Variants in HACD4 observed in about 807,000 individuals in gnomAD.
HACD4 encodes the protein 3-hydroxyacyl-CoA dehydratase 4.
Under a neutral mutation model 33.3 loss-of-function variants are expected in HACD4, and 35 were observed. The ratio of observed to expected loss-of-function variants is 1.05; its 90% CI spans 0.80 to 1.39. HACD4 has a LOEUF of 1.39. HACD4 is among the 40% of genes most tolerant of loss of function. HACD4 has a pLI of 0.00. For missense variants in HACD4, 323 were observed against 276.5 expected, an observed-to-expected ratio of 1.17 and a Z score of -1.19; for synonymous variants, 118 against 98.0, an observed-to-expected ratio of 1.20 and a Z score of -1.21.
chr9:21,030,391 G>C (rs976090903), intron 1 of HACD4, among the ~76,000 whole-genome samples: 1 of 151,962 alleles, frequency 6.6e-6, no homozygotes, highest in Non-Finnish European at 1.5e-5. Context: ...GCAGTGAACC[G>C]AGACAGCGCC....
chr9:21,014,567 G>A (rs1842512719), intron 4 of HACD4, among the ~76,000 whole-genome samples: 1 of 152,108 alleles, frequency 6.6e-6, no homozygotes, highest in East Asian at 1.9e-4. Flanking sequence ...AAGAGGGAGA[G>A]GGGAGTGACT....
At chr9:21,010,877 G>T (rs184434849) in intron 5 of HACD4, among the ~76,000 whole-genome samples, 1 of 151,986 alleles carries the variant, frequency 6.6e-6, no homozygotes. Flanking sequence ...TTCACAACAG[G>T]GTTTGTGCTC....
chr9:21,026,835 T>A, intron 2 of HACD4, 112 bp from the exon 3 acceptor site: 1 of 859,964 alleles, frequency 1.2e-6, no homozygotes. Flanking sequence ...TTTTTCATTG[T>A]ACATGTGAAA....
At chr9:21,011,557 G>A in intron 5 of HACD4, 32 bp downstream of exon 5, 1 of 1,311,348 alleles carries the variant, frequency 7.6e-7, no homozygotes. Flanking sequence ...GCTTTTGTCA[G>A]TAAGCAATAC....
chr9:21,006,576 C>A lies in HACD4; in HGVS notation c.*461G>T. 4.8e-6 allele frequency: 1 copy of A among 207,924 alleles called. No homozygotes were observed. Among genetic ancestry groups the A allele is most frequent in the Non-Finnish European group, 9.5e-6 (1 of 104,896 alleles). The allele number at this position is 207,924 out of a possible 1,614,324, so 12.9% of individuals were successfully genotyped here. A position where few individuals can be genotyped will look rare whatever the true frequency, so the allele number is the denominator to read the frequency against. ...ATTAGATCTGAAGACAGACATCTGTCTATGAAATATGTTATTCTAGGCAAC... is the reference window on the plus strand; with the variant it reads ...ATTAGATCTGAAGACAGACATCTGTATATGAAATATGTTATTCTAGGCAAC... On this transcript the variant is annotated 3_prime_UTR_variant, in exon 7 of 7. Transcript: ENST00000495827. The surrounding 1 kb of genome is among the most constrained non-coding windows in gnomAD (Gnocchi z 4.6).
intron 5 of HACD4, among the ~76,000 whole-genome samples, chr9:21,010,580 C>T (rs926567379): frequency 6.6e-6 from 1 of 151,562 alleles, no homozygotes; most frequent in African/African-American, 2.4e-5. Context: ...CTTTTTGGCA[C>T]CAGTTACTGG....
In HACD4 at chr9:21,000,789, T is replaced by C. The variant is rs957227396; in HGVS notation, c.*6248A>G. Reference sequence around the variant, plus strand: ...TTAATTTTAAATCACTTTAACACTTTAGTACCATAAAATGTTTTCTCCATA... The same window carrying C: ...TTAATTTTAAATCACTTTAACACTTCAGTACCATAAAATGTTTTCTCCATA... On this transcript the variant is annotated 3_prime_UTR_variant, in exon 7 of 7. Coordinates refer to ENST00000495827, the MANE Select transcript of HACD4 (RefSeq NM_001010915.5). 3.9e-5 allele frequency: 6 copies of C among 152,280 alleles called. No homozygotes were observed. The South Asian group carries it at 1.0e-3, about 26-fold the overall frequency. The allele number at this position is 152,280 out of a possible 1,614,324, so 9.4% of individuals were successfully genotyped here.
intron 5 of HACD4, 96 bp downstream of exon 5, chr9:21,011,493 G>T (rs964503071): frequency 6.6e-6 from 5 of 758,230 alleles, no homozygotes; most frequent in Non-Finnish European, 1.1e-5. Flanking sequence ...CTAAGCATTC[G>T]CAAAAATAGT....
intron 3 of HACD4, 89 bp downstream of exon 3, chr9:21,026,507 T>C: frequency 9.0e-7 from 1 of 1,110,750 alleles, no homozygotes; most frequent in Non-Finnish European, 1.3e-6. Context: ...AGGGTTGGCT[T>C]TCTAACTGCC....
rs1396469387 is a variant in HACD4, at chr9:21,016,024, A to C, written c.271-14T>G. ...TCTTTCTGTGAGCTAACAAAGAAAC[A>C]GCAAAGTCAGAAATTAGGACATCTA... On this transcript the variant is annotated splice_polypyrimidine_tract_variant and intron_variant, in intron 3 of 6. Coordinates refer to ENST00000495827, the MANE Select transcript of HACD4 (RefSeq NM_001010915.5). 1 of 1,572,098 alleles carries C rather than the reference A, an allele frequency of 6.4e-7. No homozygotes were observed. Among genetic ancestry groups the C allele is most frequent in the African/African-American group, 1.3e-5 (1 of 74,128 alleles).
chr9:21,009,281 T>A lies in HACD4; in HGVS notation c.491-1135A>T, dbSNP rs191860652. ...TGTATTCCACCATCCAGAGCATTAT[T>A]GACATTTTTGTCATATATATCTCTA... On this transcript the variant is annotated intron_variant, in intron 5 of 6. Coordinates refer to ENST00000495827, the MANE Select transcript of HACD4 (RefSeq NM_001010915.5). 5.3e-5 allele frequency among the ~76,000 whole-genome samples: 8 copies of A among 152,308 alleles called. No individual in the cohort carries two copies. In the East Asian group the frequency reaches 1.3e-3, roughly 26 times the overall value.
At chr9:21,026,890 C>G (rs888954728) in intron 2 of HACD4, 167 bp from the exon 3 acceptor site, 5 of 581,836 alleles carry the variant, frequency 8.6e-6, no homozygotes, top group East Asian at 5.8e-5. Flanking sequence ...ACAATGCAAA[C>G]AAACAAAGCA....
intron 1 of HACD4, chr9:21,031,277 C>A (rs1818210211): frequency 5.3e-6 from 1 of 189,892 alleles, no homozygotes; most frequent in Admixed American, 6.5e-5. Context: ...GAGGGAAGTA[C>A]TGGCAGAGGG....
intron 1 of HACD4, among the ~76,000 whole-genome samples, chr9:21,031,046 G>C (rs1246602302): frequency 6.6e-6 from 1 of 152,124 alleles, no homozygotes; most frequent in Non-Finnish European, 1.5e-5. Context: ...ACTGCTAAAG[G>C]GTTTGGGAAG....
At position 21,004,623 on chromosome 9, in the gene HACD4, T is replaced by TTGTC. The variant is rs1842226955; in HGVS notation, c.*2410_*2413dup. 1 of 152,502 alleles carries TTGTC rather than the reference T, an allele frequency of 6.6e-6. No homozygotes were observed. The highest frequency in any genetic ancestry group is 1.9e-4 in the East Asian group (1 of 5,210). 9.4% of individuals were successfully genotyped at this position (152,502 alleles called of 1,614,324 possible). ...CCTTGGAACCTCATCAGGAACTTAA[T>TTGTC]TGTCTAGCACCTTTATCTTGGACTT... On this transcript the variant is annotated 3_prime_UTR_variant, in exon 7 of 7. Coordinates refer to ENST00000495827, the MANE Select transcript of HACD4 (RefSeq NM_001010915.5). This position sits in a 1 kb window ranked among gnomAD's most constrained non-coding sequence, Gnocchi z 4.6.
chr9:21,022,501 A>C (rs12115505), intron 3 of HACD4, among the ~76,000 whole-genome samples: 47,989 of 152,050 alleles, frequency 0.32, 7,760 homozygotes, highest in East Asian at 0.51. Flanking sequence ...AATATCCAGA[A>C]TCTACAAAGA....
chr9:21,008,292 T>A, intron 5 of HACD4, 146 bp from the exon 6 acceptor site: 1 of 676,372 alleles, frequency 1.5e-6, no homozygotes, highest in Non-Finnish European at 2.3e-6. Flanking sequence ...AAACCTAGTT[T>A]AATATAGAAA....
chr9:21,015,563 T>C (rs777980513), intron 4 of HACD4: 1 of 173,928 alleles, frequency 5.7e-6, no homozygotes, highest in Non-Finnish European at 1.2e-5. Context: ...ATAAAAGACC[T>C]GCTTTGCTTA....
At chr9:21,014,266 G>A (rs994692453) in intron 4 of HACD4, among the ~76,000 whole-genome samples, 3 of 152,182 alleles carry the variant, frequency 2.0e-5, no homozygotes, top group African/African-American at 7.2e-5. Context: ...GCTTGTATAT[G>A]GATGTTCATG....
Sources: gnomAD v4.1 joint callset for allele counts (sites outside exome capture counted in the v4.1 genomes callset) on GRCh38, gnomAD v4.1.1 for gene constraint, Gnocchi (gnomAD v3.1) non-coding constraint, MANE v1.5 for transcripts, NCBI Gene and HGNC (gene_info 2026-07-23, HGNC 2026-07-21) for gene names.